The following GRM8 variants were observed in gnomAD, a reference collection of about 807,000 sequenced individuals.
The protein encoded by GRM8 is metabotropic glutamate receptor 8.
A neutral mutation model predicts 87.2 loss-of-function variants in GRM8; 47 were observed. The observed-to-expected ratio is 0.54, with a 90% CI of 0.43 to 0.69. The LOEUF is 0.69. GRM8 is among the 30% of genes least tolerant of loss of function. The pLI, the probability that GRM8 is intolerant of heterozygous loss-of-function variation, is 0.00. For missense variants in GRM8, 1,019 were observed against 1,139.2 expected, an observed-to-expected ratio of 0.89 and a Z score of 1.52; for synonymous variants, 396 against 404.5, an observed-to-expected ratio of 0.98 and a Z score of 0.25.
At chr7:126,838,869 T>C (rs183324182) in intron 6 of GRM8, among the ~76,000 whole-genome samples, 10 of 152,288 alleles carry the variant, frequency 6.6e-5, no homozygotes, top group African/African-American at 2.4e-4. Context: ...CTTTGTAGTC[T>C]TAAATTATTG....
chr7:126,902,426 A>T, intron 6 of GRM8, 116 bp downstream of exon 6: 1 of 859,866 alleles, frequency 1.2e-6, no homozygotes, highest in East Asian at 2.7e-5. Context: ...TAACAAAAAG[A>T]CACAAAAAAT....
intron 3 of GRM8, among the ~76,000 whole-genome samples, chr7:127,027,233 C>T (rs373668203): frequency 4.6e-5 from 7 of 152,058 alleles, no homozygotes; most frequent in East Asian, 3.9e-4. Flanking sequence ...TTTTGGTTAC[C>T]GCAGCCTTGT....
chr7:126,786,818 C>A (rs1820673369), intron 6 of GRM8, among the ~76,000 whole-genome samples: 1 of 152,062 alleles, frequency 6.6e-6, no homozygotes, highest in Non-Finnish European at 1.5e-5. Flanking sequence ...ACTTTTTGTC[C>A]ATCAGCTGGA....
At chr7:126,757,407 C>T (rs140679640) in intron 7 of GRM8, among the ~76,000 whole-genome samples, 398 of 152,086 alleles carry the variant, frequency 2.6e-3, no homozygotes, top group Non-Finnish European at 3.9e-3. Flanking sequence ...ATTCACTAAG[C>T]TATAGATTTA....
chr7:127,002,674 T>G (rs1272401339), intron 3 of GRM8, among the ~76,000 whole-genome samples: 3 of 151,712 alleles, frequency 2.0e-5, no homozygotes, highest in Admixed American at 2.0e-4. Context: ...GACAGTCCAC[T>G]AATACTCAGT....
intron 8 of GRM8, among the ~76,000 whole-genome samples, chr7:126,599,834 C>T (rs753712978): frequency 1.4e-4 from 21 of 152,072 alleles, no homozygotes; most frequent in African/African-American, 4.6e-4. Flanking sequence ...ATGCTGAACC[C>T]GCATAGTCCT....
At chr7:126,602,708 G>T (rs941032987) in intron 8 of GRM8, among the ~76,000 whole-genome samples, 3 of 151,578 alleles carry the variant, frequency 2.0e-5, no homozygotes, top group Non-Finnish European at 4.4e-5. Flanking sequence ...GTGAATGGGA[G>T]TTCACTCATG....
At chr7:126,756,766 T>C (rs1585803251) in intron 7 of GRM8, among the ~76,000 whole-genome samples, 2 of 152,204 alleles carry the variant, frequency 1.3e-5, no homozygotes, top group South Asian at 4.1e-4. Flanking sequence ...GAAGAAAATA[T>C]AGATAGGTGG....
chr7:126,687,081 C>T (rs746267853), intron 7 of GRM8, among the ~76,000 whole-genome samples: 3 of 152,106 alleles, frequency 2.0e-5, no homozygotes, highest in African/African-American at 4.8e-5. Context: ...TGAATTATTA[C>T]AAAACAAGCA....
intron 6 of GRM8, among the ~76,000 whole-genome samples, chr7:126,806,294 G>C (rs1047945307): frequency 3.9e-5 from 6 of 152,206 alleles, no homozygotes; most frequent in Non-Finnish European, 5.9e-5. Context: ...CTTCCAGTGG[G>C]TTCGTGGTCT....
chr7:126,480,704 A>T (rs1806568195), intron 9 of GRM8, among the ~76,000 whole-genome samples: 1 of 152,106 alleles, frequency 6.6e-6, no homozygotes, highest in Non-Finnish European at 1.5e-5. Context: ...TTCAACATAT[A>T]TTTATGTGTA....
At chr7:126,984,826 T>C (rs748935018) in intron 3 of GRM8, among the ~76,000 whole-genome samples, 2 of 152,156 alleles carry the variant, frequency 1.3e-5, no homozygotes, top group African/African-American at 4.8e-5. Context: ...AACCCTAAAA[T>C]TGAATAATTC....
At chr7:126,935,578 G>T (rs1028662595) in intron 3 of GRM8, among the ~76,000 whole-genome samples, 1 of 152,198 alleles carries the variant, frequency 6.6e-6, no homozygotes, top group Non-Finnish European at 1.5e-5. Context: ...TGAGACAAAG[G>T]CCAGAGCATC....
chr7:127,155,504 T>C (rs1031852842), intron 2 of GRM8, among the ~76,000 whole-genome samples: 2 of 152,180 alleles, frequency 1.3e-5, no homozygotes, highest in African/African-American at 4.8e-5. Flanking sequence ...CCCACCCATC[T>C]GCATGCTGAA....
intron 2 of GRM8, among the ~76,000 whole-genome samples, chr7:127,123,902 G>A (rs566087247): frequency 1.8e-4 from 27 of 150,770 alleles, no homozygotes; most frequent in South Asian, 8.4e-4. Flanking sequence ...CTTTCCTTTC[G>A]TTACAAGAAA....
intron 2 of GRM8, among the ~76,000 whole-genome samples, chr7:127,173,539 C>A (rs867579935): frequency 6.6e-6 from 1 of 152,142 alleles, no homozygotes; most frequent in African/African-American, 2.4e-5. Context: ...ACCTTTAAAA[C>A]GACTTTGTCT....
chr7:126,473,035 G>C (rs1391937588), intron 9 of GRM8, among the ~76,000 whole-genome samples: 1 of 152,178 alleles, frequency 6.6e-6, no homozygotes, highest in Non-Finnish European at 1.5e-5. Context: ...CAGGGATGGA[G>C]CCCTCCTAGA....
At chr7:127,219,914 C>G (rs1241826745) in intron 2 of GRM8, among the ~76,000 whole-genome samples, 9 of 152,198 alleles carry the variant, frequency 5.9e-5, no homozygotes. Flanking sequence ...GATCTACCCA[C>G]TCAGCAATAC....
At chr7:127,223,927 A>T (rs1369593291) in intron 2 of GRM8, among the ~76,000 whole-genome samples, 1 of 151,882 alleles carries the variant, frequency 6.6e-6, no homozygotes, top group African/African-American at 2.4e-5. Context: ...AAAAAAAAAA[A>T]AAAACTCAAT....
Sources: gnomAD v4.1 joint callset for allele counts (sites outside exome capture counted in the v4.1 genomes callset) on GRCh38, gnomAD v4.1.1 for gene constraint, MANE v1.5 for transcripts, NCBI Gene and HGNC (gene_info 2026-07-23, HGNC 2026-07-21) for gene names.